The following PLCL2 variants were observed in gnomAD, a reference collection of about 807,000 sequenced individuals.
The protein encoded by PLCL2 is inactive phospholipase C-like protein 2.
A neutral mutation model predicts 79.6 loss-of-function variants in PLCL2; 4 were observed. That is an observed-to-expected ratio of 0.05 (90% CI 0.02 to 0.11). The LOEUF is 0.11. PLCL2 is among the 10% of genes least tolerant of loss of function. The pLI is 1.00. For synonymous variants in PLCL2, 484 were observed against 457.7 expected, an observed-to-expected ratio of 1.06 and a Z score of -0.73; for missense variants, 895 against 1,291.0, an observed-to-expected ratio of 0.69 and a Z score of 4.70.
chr3:16,885,506 G>A (rs753042406), intron 1 of PLCL2, 140 bp downstream of exon 1: 34 of 481,104 alleles, frequency 7.1e-5, no homozygotes, highest in Non-Finnish European at 1.1e-4. Context: ...TGGTTGAGCG[G>A]GGATTGGATG....
At chr3:17,000,065 A>T (rs2064192728) in intron 1 of PLCL2, among the ~76,000 whole-genome samples, 1 of 152,192 alleles carries the variant, frequency 6.6e-6, no homozygotes, top group Non-Finnish European at 1.5e-5. Flanking sequence ...TGAGAATCTA[A>T]TCACAGTCTT....
At chr3:16,917,020 T>TA (rs1697012599) in intron 1 of PLCL2, among the ~76,000 whole-genome samples, 1 of 152,184 alleles carries the variant, frequency 6.6e-6, no homozygotes, top group Non-Finnish European at 1.5e-5. Flanking sequence ...TGCCTGGCAG[T>TA]AACTGGAGAA....
At chr3:16,899,173 T>C (rs1280841557) in intron 1 of PLCL2, among the ~76,000 whole-genome samples, 1 of 152,224 alleles carries the variant, frequency 6.6e-6, no homozygotes, top group Non-Finnish European at 1.5e-5. Context: ...AATCTTGGCC[T>C]CAAGGCATGT....
intron 3 of PLCL2, chr3:17,035,753 A>T (rs369684212): frequency 1.9e-6 from 1 of 516,280 alleles, no homozygotes; most frequent in Admixed American, 1.9e-5. Context: ...TCTTCTATCC[A>T]TGTTTCCTTA....
At chr3:17,070,986 C>G (rs1402466043) in intron 5 of PLCL2, among the ~76,000 whole-genome samples, 10 of 152,168 alleles carry the variant, frequency 6.6e-5, no homozygotes, top group Non-Finnish European at 1.5e-5. Context: ...TAAGCCTCAT[C>G]CCAGACTTCC....
intron 1 of PLCL2, among the ~76,000 whole-genome samples, chr3:16,909,028 A>G (rs1696814129): frequency 6.6e-6 from 1 of 152,218 alleles, no homozygotes; most frequent in African/African-American, 2.4e-5. Flanking sequence ...GTGTTAGTAT[A>G]TGATGACATC....
chr3:16,955,832 C>G (rs969520729), intron 1 of PLCL2, among the ~76,000 whole-genome samples: 157 of 152,208 alleles, frequency 1.0e-3, no homozygotes, highest in Non-Finnish European at 1.7e-3. Flanking sequence ...CTCTGTTTGT[C>G]TGTTATTGGT....
At chr3:16,900,782 G>A (rs1196187876) in intron 1 of PLCL2, among the ~76,000 whole-genome samples, 1 of 152,122 alleles carries the variant, frequency 6.6e-6, no homozygotes, top group Non-Finnish European at 1.5e-5. Flanking sequence ...AAATACACGT[G>A]GTCACACTAG....
intron 2 of PLCL2, among the ~76,000 whole-genome samples, chr3:17,013,409 G>A (rs1173227655): frequency 6.6e-6 from 1 of 152,198 alleles, no homozygotes; most frequent in Non-Finnish European, 1.5e-5. Flanking sequence ...ATGCTAGTTG[G>A]GGGCAGGCAG....
chr3:16,904,023 A>T (rs1366686362), intron 1 of PLCL2, among the ~76,000 whole-genome samples: 4 of 152,216 alleles, frequency 2.6e-5, no homozygotes, highest in Non-Finnish European at 5.9e-5. Context: ...GTACAGTGGC[A>T]ATGGATATCT....
At chr3:16,905,184 C>T (rs972668078) in intron 1 of PLCL2, among the ~76,000 whole-genome samples, 6 of 152,292 alleles carry the variant, frequency 3.9e-5, no homozygotes, top group Non-Finnish European at 7.3e-5. Flanking sequence ...GCTGTCCTTG[C>T]CACAGAAGGC....
At chr3:17,084,359 A>C (rs2065194273) in intron 5 of PLCL2, among the ~76,000 whole-genome samples, 1 of 152,210 alleles carries the variant, frequency 6.6e-6, no homozygotes, top group African/African-American at 2.4e-5. Context: ...AACATTTAAG[A>C]AAGAAATGAT....
intron 1 of PLCL2, among the ~76,000 whole-genome samples, chr3:16,898,293 A>C (rs1696532041): frequency 6.6e-6 from 1 of 152,126 alleles, no homozygotes; most frequent in African/African-American, 2.4e-5. Flanking sequence ...TGGGGAGAGA[A>C]AATCTACAGC....
chr3:17,053,908 G>T (rs2064868345), intron 4 of PLCL2, among the ~76,000 whole-genome samples: 1 of 152,106 alleles, frequency 6.6e-6, no homozygotes, highest in Admixed American at 6.6e-5. Context: ...CCATTGTCCT[G>T]ACTATTAGTA....
chr3:17,072,902 G>A (rs997260116), intron 5 of PLCL2, among the ~76,000 whole-genome samples: 7 of 152,110 alleles, frequency 4.6e-5, no homozygotes, highest in Non-Finnish European at 8.8e-5. Context: ...TAAAGCCAGC[G>A]GGTGTCTTTG....
chr3:17,050,852 T>G (rs940868743), intron 4 of PLCL2, among the ~76,000 whole-genome samples: 3 of 152,210 alleles, frequency 2.0e-5, no homozygotes, highest in Non-Finnish European at 4.4e-5. Context: ...ACTCCCATGT[T>G]TTTTGCAGCA....
In PLCL2 at chr3:17,067,238, G is replaced by A. The variant is rs564317010; in HGVS notation, c.3095-718G>A. Among the ~76,000 whole-genome samples, 24 of 152,180 alleles carry A rather than the reference G, an allele frequency of 1.6e-4. No homozygotes were observed. In the South Asian group the frequency reaches 5.0e-3, roughly 32 times the overall value. The stretch of plus-strand genomic sequence containing the variant: ...AAGAATGTTTAAATTGGATTCAGCG[G>A]TCTTACTATTAGAGTTATATTGGTG... On this transcript the variant is annotated intron_variant, in intron 4 of 5. Coordinates refer to ENST00000615277, the MANE Select transcript of PLCL2 (RefSeq NM_001144382.2).
At chr3:16,925,729 A>T (rs1156336) in intron 1 of PLCL2, among the ~76,000 whole-genome samples, 52,132 of 152,146 alleles carry the variant, frequency 0.34, 9,104 homozygotes, top group East Asian at 0.54. Flanking sequence ...TATGTCTGAA[A>T]AATATTCCAT....
At position 16,913,024 on chromosome 3, in the gene PLCL2, A is replaced by G. The variant is rs1696917802; in HGVS notation, c.327+27658A>G. 2.0e-5 allele frequency among the ~76,000 whole-genome samples: 3 copies of G among 152,202 alleles called. No homozygotes were observed. In the South Asian group the frequency reaches 6.2e-4, roughly 32 times the overall value. ...CCCCAAATCCTTTTTCACAGTTTCCAGATTAGTTCTCCTACAGCACTACTT... is the reference window on the plus strand; with the variant it reads ...CCCCAAATCCTTTTTCACAGTTTCCGGATTAGTTCTCCTACAGCACTACTT... On this transcript the variant is annotated intron_variant, in intron 1 of 5. Coordinates refer to ENST00000615277, the MANE Select transcript of PLCL2 (RefSeq NM_001144382.2).
Sources: gnomAD v4.1 joint callset for allele counts (sites outside exome capture counted in the v4.1 genomes callset) on GRCh38, gnomAD v4.1.1 for gene constraint, MANE v1.5 for transcripts, NCBI Gene and HGNC (gene_info 2026-07-23, HGNC 2026-07-21) for gene names.